DAB1: variants seen among roughly 807,000 people sequenced by gnomAD.
The protein encoded by DAB1 is disabled homolog 1.
A neutral mutation model predicts 64.6 loss-of-function variants in DAB1; 15 were observed. The ratio of observed to expected loss-of-function variants is 0.23; its 90% CI spans 0.16 to 0.36. The LOEUF is 0.36. DAB1 is among the 10% of genes least tolerant of loss of function. DAB1 has a pLI of 1.00. For missense variants in DAB1, 596 were observed against 706.7 expected (o/e 0.84, Z 1.78); for synonymous variants, 235 against 251.9 (o/e 0.93, Z 0.64).
At chr1:57,555,716 A>G (rs1460784135) in intron 7 of DAB1, among the ~76,000 whole-genome samples, 1 of 152,194 alleles carries the variant, frequency 6.6e-6, no homozygotes, top group East Asian at 1.9e-4. Flanking sequence ...CAGTGCTAAT[A>G]AGGATAGAAC....
chr1:57,522,913 TC>T (rs1644546238), intron 7 of DAB1, among the ~76,000 whole-genome samples: 1 of 152,200 alleles, frequency 6.6e-6, no homozygotes, highest in South Asian at 2.1e-4. Flanking sequence ...GACTCCAAGT[TC>T]TTCGGCTTTT....
chr1:57,386,385 A>G (rs909922938), intron 1 of DAB1, among the ~76,000 whole-genome samples: 5 of 128,896 alleles, frequency 3.9e-5, no homozygotes, highest in African/African-American at 8.9e-5. Flanking sequence ...AAAAAAAAAA[A>G]AACCCGTCTT....
chr1:58,205,351 T>G (rs1440397634), intron 4 of DAB1, among the ~76,000 whole-genome samples: 1 of 152,178 alleles, frequency 6.6e-6, no homozygotes, highest in Non-Finnish European at 1.5e-5. Flanking sequence ...CCTCCTAAGG[T>G]CTTTTTACTC....
intron 11 of DAB1, among the ~76,000 whole-genome samples, chr1:57,023,184 C>T (rs1646677738): frequency 6.6e-6 from 1 of 152,208 alleles, no homozygotes. Context: ...ACTCCGTGTC[C>T]TCCCCTGCTT....
chr1:57,971,725 C>G (rs1645801099), intron 5 of DAB1, among the ~76,000 whole-genome samples: 1 of 152,140 alleles, frequency 6.6e-6, no homozygotes, highest in South Asian at 2.1e-4. Flanking sequence ...CAAATGTCTT[C>G]AAGATATTTG....
intron 4 of DAB1, among the ~76,000 whole-genome samples, chr1:58,298,078 A>ATG (rs1287160687): frequency 6.6e-6 from 1 of 152,226 alleles, no homozygotes; most frequent in Non-Finnish European, 1.5e-5. Context: ...AATTATTGAA[A>ATG]TGTGTTGAGG....
intron 7 of DAB1, among the ~76,000 whole-genome samples, chr1:57,526,162 C>G (rs922203636): frequency 6.6e-6 from 1 of 151,996 alleles, no homozygotes. Context: ...GGTCTCAAAC[C>G]CCTGACCCTG....
chr1:57,248,856 T>C (rs542873), intron 2 of DAB1, among the ~76,000 whole-genome samples: 89,045 of 152,038 alleles, frequency 0.59, 26,291 homozygotes, highest in Admixed American at 0.66. Context: ...ATGAATCTTT[T>C]GCTAGCATTT....
At position 58,288,038 on chromosome 1, in the gene DAB1, A is replaced by G. The variant is rs2105186; in HGVS notation, n.309+55314T>C. ...CTGCCTCAAAAAAAAAAAAAAAAAA[A>G]AAAAAAAGAAAAAAAAGAGCAGCAA... is the stretch of plus-strand genomic sequence containing the variant. On this transcript the variant is annotated intron_variant and non_coding_transcript_variant, in intron 4 of 20. Coordinates refer to the DAB1 transcript ENST00000485760. 2.0e-3 allele frequency among the ~76,000 whole-genome samples: 241 copies of G among 122,656 alleles called. 8 individuals are homozygous for G. Among genetic ancestry groups the G allele is most frequent in the South Asian group, 6.5e-3 (25 of 3,822 alleles). The allele number at this position is 122,656 out of a possible 152,430, so 80.5% of individuals were successfully genotyped here.
At chr1:58,066,959 G>A (rs926878801) in intron 5 of DAB1, among the ~76,000 whole-genome samples, 21 of 152,254 alleles carry the variant, frequency 1.4e-4, no homozygotes, top group African/African-American at 3.4e-4. Context: ...GGCCTGCTCC[G>A]GCCTCGCCAT....
intron 2 of DAB1, among the ~76,000 whole-genome samples, chr1:57,264,186 G>A (rs1670407987): frequency 6.6e-6 from 1 of 151,996 alleles, no homozygotes; most frequent in Non-Finnish European, 1.5e-5. Context: ...TCACATCATA[G>A]TATCTAAAAC....
chr1:58,373,988 T>C (rs1644297890), intron 3 of DAB1, among the ~76,000 whole-genome samples: 1 of 134,830 alleles, frequency 7.4e-6, no homozygotes, highest in Non-Finnish European at 1.6e-5. Context: ...TTTTGAGAAG[T>C]GTCTGTTCAT....
At chr1:57,624,134 A>G (rs939003328) in intron 7 of DAB1, among the ~76,000 whole-genome samples, 8 of 152,226 alleles carry the variant, frequency 5.3e-5, no homozygotes, top group Admixed American at 5.2e-4. Flanking sequence ...ATGGAAGGAT[A>G]CATTGAAATG....
chr1:57,601,340 A>G (rs1012584091), intron 7 of DAB1, among the ~76,000 whole-genome samples: 3 of 152,188 alleles, frequency 2.0e-5, no homozygotes, highest in Non-Finnish European at 4.4e-5. Flanking sequence ...TTGGGAGGCC[A>G]AGGCAGGCAG....
chr1:58,069,399 ATAAT>A (rs1649087974), intron 5 of DAB1, among the ~76,000 whole-genome samples: 1 of 152,250 alleles, frequency 6.6e-6, no homozygotes, highest in African/African-American at 2.4e-5. Flanking sequence ...ATAATGATGA[ATAAT>A]TAATTTTGTC....
chr1:57,424,249 G>C (rs1048988828), upstream of DAB1, among the ~76,000 whole-genome samples: 1 of 151,096 alleles, frequency 6.6e-6, no homozygotes, highest in Non-Finnish European at 1.5e-5. Flanking sequence ...CCGGCCTCGC[G>C]GCTCCCTCCG....
At chr1:58,137,634 A>C (rs1235703580) in intron 5 of DAB1, among the ~76,000 whole-genome samples, 1 of 152,104 alleles carries the variant, frequency 6.6e-6, no homozygotes, top group Admixed American at 6.6e-5. Context: ...CCATTGATTC[A>C]TCCTTCCTTA....
intron 5 of DAB1, among the ~76,000 whole-genome samples, chr1:58,113,353 C>T (rs998091080): frequency 5.3e-5 from 8 of 152,082 alleles, no homozygotes; most frequent in Non-Finnish European, 7.4e-5. Context: ...CCTGGTGGCT[C>T]GTGATGCCCA....
intron 1 of DAB1, among the ~76,000 whole-genome samples, chr1:57,844,933 A>G (rs1338149706): frequency 1.3e-5 from 2 of 151,976 alleles, no homozygotes; most frequent in South Asian, 2.1e-4. Flanking sequence ...GCTTCCCACT[A>G]TTGACAGCCT....
Sources: allele counts gnomAD v4.1 joint callset (sites outside exome capture counted in the v4.1 genomes callset), GRCh38; gene constraint gnomAD v4.1.1; transcripts MANE v1.5; gene names NCBI Gene and HGNC (gene_info 2026-07-23, HGNC 2026-07-21).